SPAG16: variants seen among roughly 807,000 people sequenced by gnomAD.
SPAG16 encodes the protein sperm-associated antigen 16 protein.
SPAG16 carries 86 observed loss-of-function variants against 80.4 expected under a neutral mutation model. The observed-to-expected ratio is 1.07, with a 90% confidence interval of 0.90 to 1.28. SPAG16 has a LOEUF of 1.28. Ranked by LOEUF, SPAG16 falls within the 50% of genes most tolerant of loss-of-function variation. The pLI, the probability that SPAG16 is intolerant of heterozygous loss-of-function variation, is 0.00. For missense variants in SPAG16, 870 were observed against 765.3 expected (o/e 1.14, Z -1.61); for synonymous variants, 294 against 265.9 (o/e 1.11, Z -1.03).
chr2:213,905,638 C>T (rs1331261135), intron 11 of SPAG16, among the ~76,000 whole-genome samples: 2 of 152,070 alleles, frequency 1.3e-5, no homozygotes, highest in Non-Finnish European at 2.9e-5. Context: ...AAATTTCCTG[C>T]CCCCTATGTA....
chr2:214,305,477 G>A (rs912509038), intron 15 of SPAG16, among the ~76,000 whole-genome samples: 1 of 152,044 alleles, frequency 6.6e-6, no homozygotes, highest in Non-Finnish European at 1.5e-5. Context: ...TATTGCCTAG[G>A]CTCTCTTCCT....
chr2:213,947,594 C>T (rs576870654), intron 12 of SPAG16, among the ~76,000 whole-genome samples: 3 of 152,176 alleles, frequency 2.0e-5, no homozygotes, highest in South Asian at 4.1e-4. Flanking sequence ...GGATATACAT[C>T]GTTTGTCCTT....
At chr2:213,584,863 A>T (rs541710441) in intron 10 of SPAG16, among the ~76,000 whole-genome samples, 1 of 152,118 alleles carries the variant, frequency 6.6e-6, no homozygotes. Flanking sequence ...TGGAGGAAGC[A>T]TGGCTAAAAT....
chr2:213,296,201 C>T (rs2062490096), intron 2 of SPAG16, 91 bp downstream of exon 2: 2 of 951,898 alleles, frequency 2.1e-6, no homozygotes, highest in Non-Finnish European at 3.3e-6. Flanking sequence ...ATGTAAGAAC[C>T]ATTCTTTTTT....
intron 15 of SPAG16, among the ~76,000 whole-genome samples, chr2:214,409,057 AC>A (rs1702155973): frequency 6.6e-6 from 1 of 151,434 alleles, no homozygotes; most frequent in Non-Finnish European, 1.5e-5. Context: ...ATTAGTTACT[AC>A]TATTAGTACT....
intron 9 of SPAG16, among the ~76,000 whole-genome samples, chr2:213,488,153 T>C (rs563312530): frequency 6.6e-6 from 1 of 152,228 alleles, no homozygotes; most frequent in East Asian, 1.9e-4. Context: ...TTAAAAGAAC[T>C]GAAACTGGTG....
chr2:214,230,058 C>T (rs775784613), intron 15 of SPAG16, among the ~76,000 whole-genome samples: 24 of 151,718 alleles, frequency 1.6e-4, no homozygotes, highest in Admixed American at 9.9e-4. Flanking sequence ...ATAGCTAAAT[C>T]GGAATGATTT....
intron 10 of SPAG16, among the ~76,000 whole-genome samples, chr2:213,791,193 C>G (rs557205270): frequency 6.6e-6 from 1 of 151,810 alleles, no homozygotes; most frequent in East Asian, 1.9e-4. Flanking sequence ...TCCTTACAGT[C>G]AAGGCTTCTT....
chr2:213,609,571 G>A (rs573233421), intron 10 of SPAG16, among the ~76,000 whole-genome samples: 11 of 152,248 alleles, frequency 7.2e-5, no homozygotes, highest in African/African-American at 2.2e-4. Flanking sequence ...TGAGTTCCAT[G>A]TATCACTAAA....
At chr2:214,246,930 T>C (rs904272511) in intron 15 of SPAG16, among the ~76,000 whole-genome samples, 1 of 152,206 alleles carries the variant, frequency 6.6e-6, no homozygotes, top group African/African-American at 2.4e-5. Context: ...GATATGTTAG[T>C]TAAGTGCCTT....
chr2:213,585,545 GGGATTATGATGTAAGTAA>G (rs2060441611), intron 10 of SPAG16, among the ~76,000 whole-genome samples: 3 of 152,050 alleles, frequency 2.0e-5, no homozygotes, highest in African/African-American at 7.2e-5. Flanking sequence ...CCAAAGTTCT[GGGATTATGATGTAAGTAA>G]CCAGCCTGGC....
chr2:213,980,758 A>T lies in SPAG16; in HGVS notation c.1401-33193A>T, dbSNP rs1338334476. On this transcript the variant is annotated intron_variant, in intron 12 of 15. Transcript: ENST00000331683. ...GAGAGAGAGAGAGAGAGAGAGAGAG[A>T]GTAAGCTGGGTGTGATGGTGTGTGC... 2.8e-5 allele frequency among the ~76,000 whole-genome samples: 4 copies of T among 143,560 alleles called. No homozygotes were observed. The East Asian group carries it at 6.0e-4, about 22-fold the overall frequency. The allele number at this position is 143,560 out of a possible 152,430, so 94.2% of individuals were successfully genotyped here. A position where few individuals can be genotyped will look rare whatever the true frequency, so the allele number is the denominator to read the frequency against.
chr2:214,074,745 T>C (rs971578543), intron 13 of SPAG16, among the ~76,000 whole-genome samples: 7 of 151,864 alleles, frequency 4.6e-5, no homozygotes, highest in Non-Finnish European at 1.5e-5. Context: ...ACAGTACATA[T>C]ACAAAAAATA....
chr2:213,882,474 A>C (rs1360100878), intron 11 of SPAG16, among the ~76,000 whole-genome samples: 1 of 152,044 alleles, frequency 6.6e-6, no homozygotes, highest in Non-Finnish European at 1.5e-5. Flanking sequence ...TTCTGTATTC[A>C]ATTTCAGATT....
intron 13 of SPAG16, among the ~76,000 whole-genome samples, chr2:214,019,661 A>C (rs1435786259): frequency 6.6e-6 from 1 of 152,210 alleles, no homozygotes. Context: ...TGCACCCTGC[A>C]TAGGCCTGTT....
chr2:213,952,917 C>G (rs2043925667), intron 12 of SPAG16, among the ~76,000 whole-genome samples: 1 of 152,050 alleles, frequency 6.6e-6, no homozygotes, highest in Non-Finnish European at 1.5e-5. Context: ...TAACAAGTTT[C>G]AATCACCAGA....
At chr2:213,631,028 G>C (rs1033048876) in intron 10 of SPAG16, among the ~76,000 whole-genome samples, 1 of 152,152 alleles carries the variant, frequency 6.6e-6, no homozygotes, top group African/African-American at 2.4e-5. Flanking sequence ...AGACCTAAAC[G>C]ATCTGATGGT....
At position 213,748,755 on chromosome 2, in the gene SPAG16, T is replaced by C. The variant is rs572877251; in HGVS notation, c.1071-113730T>C. 6.0e-4 allele frequency among the ~76,000 whole-genome samples: 92 copies of C among 152,330 alleles called. 1 individual carries two copies. The highest frequency in any genetic ancestry group is 7.7e-4 in the East Asian group (4 of 5,194). ...TTAATTCTTTTTTAGATATGTAATA[T>C]AAATAGAAAATTTCTTAGGGCTTAA... On this transcript the variant is annotated intron_variant, in intron 10 of 15. Coordinates refer to ENST00000331683, the MANE Select transcript of SPAG16 (RefSeq NM_024532.5).
At chr2:213,995,732 C>A (rs1480856230) in intron 12 of SPAG16, among the ~76,000 whole-genome samples, 1 of 152,132 alleles carries the variant, frequency 6.6e-6, no homozygotes, top group African/African-American at 2.4e-5. Flanking sequence ...AGTGTCCCAG[C>A]TTCATGGTAA....
Sources: gnomAD v4.1 joint callset for allele counts (sites outside exome capture counted in the v4.1 genomes callset) on GRCh38, gnomAD v4.1.1 for gene constraint, MANE v1.5 for transcripts, NCBI Gene and HGNC (gene_info 2026-07-23, HGNC 2026-07-21) for gene names.